ASTN2: variants seen among roughly 807,000 people sequenced by gnomAD.
ASTN2 encodes the protein astrotactin-2.
Under a neutral mutation model 139.8 loss-of-function variants are expected in ASTN2, and 54 were observed. The observed-to-expected ratio is 0.39, with a 90% CI of 0.31 to 0.48. The LOEUF (loss-of-function observed/expected upper bound fraction) is 0.48. Ranked by LOEUF, ASTN2 falls within the 20% of genes least tolerant of loss-of-function variation. The pLI, the probability that ASTN2 is intolerant of heterozygous loss-of-function variation, is 0.95. For synonymous variants in ASTN2, 756 were observed against 719.5 expected, an observed-to-expected ratio of 1.05 and a Z score of -0.81; for missense variants, 1,565 against 1,725.1, an observed-to-expected ratio of 0.91 and a Z score of 1.64.
At chr9:116,450,589 G>C (rs764763555) in intron 20 of ASTN2, among the ~76,000 whole-genome samples, 2 of 152,130 alleles carry the variant, frequency 1.3e-5, no homozygotes, top group African/African-American at 2.4e-5. Flanking sequence ...TGGGACATGA[G>C]GGTATTGGGC....
Position 116,820,773 on chromosome 9 carries a change from T to A in ASTN2, c.2051A>T (p.Glu684Val). 6.2e-7 allele frequency: 1 copy of A among 1,613,640 alleles called. No individual in the cohort carries two copies. Among genetic ancestry groups the A allele is most frequent in the Non-Finnish European group, 8.5e-7 (1 of 1,179,682 alleles). Residue 684 changes from glutamate (E) to valine (V), a missense_variant, in exon 12 of 23, where the codon GAG (glutamate) becomes GTG (valine). Coordinates refer to ENST00000313400, the MANE Select transcript of ASTN2 (RefSeq NM_001365068.1). ...AGAGCCATCCTTCATGGGTTTCAGC[T>A]CCTCAGGGCACTGCTCAGAGAGAGG... ...VDSSGCVCPE[E>V]LKPMKDGSGC...
rs370125247 is a variant in ASTN2, at chr9:117,125,832, G to C, written c.1168+15494C>G. Among the ~76,000 whole-genome samples the C allele has an allele frequency of 6.6e-5, 10 of 151,730 alleles. 1 individual carries two copies. Among genetic ancestry groups the C allele is most frequent in the East Asian group, 1.9e-4 (1 of 5,184 alleles). On this transcript the variant is annotated intron_variant, in intron 4 of 22. Transcript: ENST00000313400. ...CAAAAGGATCATTTCATTGCGGCGG[G>C]GGGGGGAATTGGATTGCAAAGGATT...
chr9:117,410,386 C>A (rs1831127864), intron 1 of ASTN2, among the ~76,000 whole-genome samples: 1 of 152,122 alleles, frequency 6.6e-6, no homozygotes, highest in South Asian at 2.1e-4. Context: ...TTCTATCAGT[C>A]CTTCCCACCA....
chr9:117,094,116 GA>G (rs1828775413), intron 5 of ASTN2, among the ~76,000 whole-genome samples: 1 of 128,206 alleles, frequency 7.8e-6, no homozygotes, highest in African/African-American at 3.2e-5. Flanking sequence ...AGGAGGGAGA[GA>G]GGGAGGGAGG....
chr9:117,055,688 T>C (rs1839038595), intron 5 of ASTN2, among the ~76,000 whole-genome samples: 1 of 152,088 alleles, frequency 6.6e-6, no homozygotes, highest in Non-Finnish European at 1.5e-5. Context: ...AGTCTTCGAG[T>C]ACATGGACGT....
chr9:116,952,156 T>C (rs1835580420), intron 10 of ASTN2, among the ~76,000 whole-genome samples: 1 of 152,194 alleles, frequency 6.6e-6, no homozygotes, highest in South Asian at 2.1e-4. Context: ...AGTGAGCACT[T>C]GACATGATTT....
At chr9:117,378,826 C>T (rs1830191300) in intron 1 of ASTN2, among the ~76,000 whole-genome samples, 1 of 152,162 alleles carries the variant, frequency 6.6e-6, no homozygotes, top group South Asian at 2.1e-4. Context: ...AACTGTAATC[C>T]TCAGTGTTGG....
chr9:117,206,639 T>C (rs1564478244), intron 3 of ASTN2, among the ~76,000 whole-genome samples: 1 of 152,114 alleles, frequency 6.6e-6, no homozygotes, highest in Non-Finnish European at 1.5e-5. Context: ...AAGCCCAGCT[T>C]TACAGAGCTT....
At chr9:117,317,482 T>A (rs1359571939) in intron 1 of ASTN2, among the ~76,000 whole-genome samples, 1 of 152,190 alleles carries the variant, frequency 6.6e-6, no homozygotes, top group African/African-American at 2.4e-5. Flanking sequence ...CACTAATGAA[T>A]GTAAGTTCTT....
chr9:117,406,857 AACACAC>A (rs59125408), intron 1 of ASTN2, among the ~76,000 whole-genome samples: 10,727 of 144,234 alleles, frequency 0.074, 810 homozygotes, highest in African/African-American at 0.19. Flanking sequence ...ATTGTCCCCT[AACACAC>A]ACACACACAC....
Position 117,225,539 on chromosome 9 carries a change from A to ATG in ASTN2, c.631-10798_631-10797insCA, listed in dbSNP as rs1564490233. On this transcript the variant is annotated intron_variant, in intron 2 of 22. Transcript: ENST00000313400. ...ACCAGCCTGGCCAAGCTGTATGTAT[A>ATG]TATATATATATATATATATATATAT... Among the ~76,000 whole-genome samples the ATG allele has an allele frequency of 2.5e-3, 75 of 30,242 alleles. 7 individuals are homozygous for ATG. The highest frequency in any genetic ancestry group is 0.014 in the African/African-American group (65 of 4,706). 19.8% of individuals were successfully genotyped at this position (30,242 alleles called of 152,430 possible).
intron 2 of ASTN2, among the ~76,000 whole-genome samples, chr9:117,272,290 G>T (rs1834085756): frequency 6.6e-6 from 1 of 152,134 alleles, no homozygotes; most frequent in Non-Finnish European, 1.5e-5. Context: ...GAGAGGCTGG[G>T]ACACAGGCAC....
At chr9:117,390,291 C>T (rs1220053324) in intron 1 of ASTN2, among the ~76,000 whole-genome samples, 2 of 152,190 alleles carry the variant, frequency 1.3e-5, no homozygotes, top group Admixed American at 1.3e-4. Context: ...CTATTATTTA[C>T]ATCTTGTGTT....
chr9:116,697,622 A>T lies in ASTN2; in HGVS notation c.2806+28149T>A, dbSNP rs1362194061. 3 of 1,254,814 alleles carry T rather than the reference A, an allele frequency of 2.4e-6. No individual in the cohort carries two copies. The East Asian group carries it at 7.5e-5, about 31-fold the overall frequency. 77.7% of individuals were successfully genotyped at this position (1,254,814 alleles called of 1,614,324 possible). ...GTTTCTTGAGTGAATTTATTTATAT[A>T]GTCAGAGGAAAATGAATAATGGTTT... On this transcript the variant is annotated intron_variant, in intron 16 of 22. Coordinates refer to ENST00000313400, the MANE Select transcript of ASTN2 (RefSeq NM_001365068.1).
chr9:116,823,761 A>G (rs1831550970), intron 11 of ASTN2, among the ~76,000 whole-genome samples: 1 of 152,184 alleles, frequency 6.6e-6, no homozygotes, highest in Non-Finnish European at 1.5e-5. Flanking sequence ...ACAGCAAATT[A>G]AAGGCAAGAT....
intron 16 of ASTN2, chr9:116,697,513 C>A: frequency 1.8e-6 from 1 of 554,402 alleles, no homozygotes; most frequent in East Asian, 3.2e-5. Context: ...ATCTGTCACC[C>A]TCACGTGACA....
chr9:117,130,694 A>G (rs1194854006), intron 4 of ASTN2, among the ~76,000 whole-genome samples: 1 of 152,252 alleles, frequency 6.6e-6, no homozygotes, highest in Non-Finnish European at 1.5e-5. Context: ...AAAGTTTACT[A>G]CATGACTTGC....
intron 5 of ASTN2, among the ~76,000 whole-genome samples, chr9:117,087,383 T>C (rs1828593947): frequency 6.6e-6 from 1 of 152,036 alleles, no homozygotes; most frequent in African/African-American, 2.4e-5. Context: ...TAAAGGCACA[T>C]GCCACTACAT....
chr9:117,235,346 C>A (rs190976241), intron 2 of ASTN2, among the ~76,000 whole-genome samples: 1 of 152,112 alleles, frequency 6.6e-6, no homozygotes, highest in East Asian at 1.9e-4. Context: ...ACAAATCAAT[C>A]CTCATTGGAA....
Sources: allele counts gnomAD v4.1 joint callset (sites outside exome capture counted in the v4.1 genomes callset), GRCh38; gene constraint gnomAD v4.1.1; transcripts MANE v1.5; gene names NCBI Gene and HGNC (gene_info 2026-07-23, HGNC 2026-07-21).